Variants in ST7 observed in about 807,000 individuals in gnomAD.
ST7 encodes suppression of tumorigenicity 7.
Under a neutral mutation model 78.7 loss-of-function variants are expected in ST7, and 28 were observed. That is an observed-to-expected ratio of 0.36 (90% CI 0.26 to 0.49). The LOEUF (loss-of-function observed/expected upper bound fraction) is 0.49, where lower values mean the gene tolerates loss of function less well. Among genes scored for constraint, ST7 ranks in the 20% least tolerant of loss-of-function variants. The probability of loss-of-function intolerance (pLI) is 0.99; values close to 1 mark genes in which losing one functional copy is unlikely to be tolerated. For synonymous variants in ST7, 247 were observed against 249.6 expected (o/e 0.99, Z 0.10); for missense variants, 418 against 696.0 (o/e 0.60, Z 4.49).
At chr7:117,062,667 A>G (rs1798419997) in intron 1 of ST7, among the ~76,000 whole-genome samples, 1 of 152,220 alleles carries the variant, frequency 6.6e-6, no homozygotes, top group African/African-American at 2.4e-5. Context: ...AGGTCTCCTT[A>G]AAAGATATAA....
chr7:117,051,807 A>C (rs1797803621), intron 1 of ST7, among the ~76,000 whole-genome samples: 1 of 152,188 alleles, frequency 6.6e-6, no homozygotes, highest in South Asian at 2.1e-4. Flanking sequence ...AGAGAAATCA[A>C]GGATGATTCC....
chr7:117,131,248 A>G (rs900474995), intron 5 of ST7, among the ~76,000 whole-genome samples: 5 of 151,920 alleles, frequency 3.3e-5, no homozygotes, highest in African/African-American at 1.2e-4. Flanking sequence ...TATAAAATAA[A>G]TAAGGAGATT....
At chr7:117,169,137 C>CTTTTT in intron 9 of ST7, among the ~76,000 whole-genome samples, 1 of 110,652 alleles carries the variant, frequency 9.0e-6, no homozygotes, top group East Asian at 3.2e-4. Context: ...AATCTTCTTC[C>CTTTTT]TTTTTTTTTT....
At chr7:117,027,077 T>G (rs915616156) in intron 1 of ST7, among the ~76,000 whole-genome samples, 2 of 152,252 alleles carry the variant, frequency 1.3e-5, no homozygotes, top group African/African-American at 4.8e-5. Context: ...ACTTCATCAG[T>G]GCAAATGTTT....
At chr7:117,141,425 C>T (rs185864123) in intron 9 of ST7, among the ~76,000 whole-genome samples, 72 of 152,240 alleles carry the variant, frequency 4.7e-4, no homozygotes, top group African/African-American at 1.6e-3. Context: ...TGGCAATACA[C>T]CTGTGAAATA....
At position 117,063,372 on chromosome 7, in the gene ST7, A is replaced by G. The variant is rs1032106853; in HGVS notation, c.152-36390A>G. Among the ~76,000 whole-genome samples, 8 of 152,176 alleles carry G rather than the reference A, an allele frequency of 5.3e-5. No individual in the cohort carries two copies. The East Asian group carries it at 1.5e-3, about 29-fold the overall frequency. ...TTTCTGTTCATTTTTGTTTCTTTCA[A>G]TTGATAGGACATGGAGAAAGATTTT... On this transcript the variant is annotated intron_variant, in intron 1 of 15. Transcript: ENST00000323984.
chr7:117,013,298 T>C (rs1414172846), intron 1 of ST7, among the ~76,000 whole-genome samples: 1 of 152,224 alleles, frequency 6.6e-6, no homozygotes, highest in Admixed American at 6.5e-5. Flanking sequence ...AGGAAGAAAT[T>C]ATATCAAATT....
At chr7:117,130,428 ATATTT>A (rs1804250399) in intron 4 of ST7, 58 bp from the exon 5 acceptor site, 16 of 1,231,482 alleles carry the variant, frequency 1.3e-5, no homozygotes, top group Non-Finnish European at 1.9e-5. Flanking sequence ...CTGCAGCTTA[ATATTT>A]TATAGGTCTT....
chr7:117,151,446 T>G (rs1806240532), intron 9 of ST7, among the ~76,000 whole-genome samples: 1 of 152,194 alleles, frequency 6.6e-6, no homozygotes, highest in Admixed American at 6.5e-5. Context: ...CTCCTTCTTG[T>G]CATTTAGGCT....
At chr7:117,108,474 A>T (rs760291138) in intron 2 of ST7, among the ~76,000 whole-genome samples, 2 of 152,054 alleles carry the variant, frequency 1.3e-5, no homozygotes, top group Non-Finnish European at 2.9e-5. Context: ...ACTAGTACCA[A>T]GCTGTTTTGG....
At chr7:117,146,569 T>C (rs1025936859) in intron 9 of ST7, 2 of 152,258 alleles carry the variant, frequency 1.3e-5, no homozygotes, top group Admixed American at 1.3e-4. Flanking sequence ...CAGGCTCTTG[T>C]ATTAATCTTG....
intron 1 of ST7, among the ~76,000 whole-genome samples, chr7:116,973,238 G>A (rs1038228652): frequency 1.3e-5 from 2 of 151,478 alleles, no homozygotes; most frequent in Non-Finnish European, 2.9e-5. Context: ...TGTATTTCTT[G>A]TCCTCTGTCT....
chr7:117,081,025 CT>C (rs1451721574), intron 1 of ST7: 1 of 152,054 alleles, frequency 6.6e-6, no homozygotes, highest in Non-Finnish European at 1.5e-5. Flanking sequence ...GGTATGATGA[CT>C]TCCCAGGATG....
intron 1 of ST7, among the ~76,000 whole-genome samples, chr7:116,963,562 C>T (rs1285053411): frequency 6.6e-6 from 1 of 151,772 alleles, no homozygotes; most frequent in Admixed American, 6.6e-5. Flanking sequence ...TTTTTCCATT[C>T]TGAATTAACT....
Position 117,209,936 on chromosome 7 carries a change from C to T in ST7, c.1404C>T (p.Gly468=). ...ALNLLHCTWE[G]TFRMIPYPLE... ...ATCTTTTGCATTGTACGTGGGAAGG[C>T]AGTAAGTAATTTTCTTTTTTTGAAA... Residue 468 remains glycine (G), a splice_region_variant and synonymous_variant, in exon 13 of 16, where the codon GGC becomes GGT. Transcript: ENST00000323984. 6.2e-7 allele frequency: 1 copy of T among 1,601,616 alleles called. No homozygotes were observed. The highest frequency in any genetic ancestry group is 8.5e-7 in the Non-Finnish European group (1 of 1,177,200).
rs536144971 is a variant in ST7 at position 117,176,285 on chromosome 7, A to T, written c.1078+5309A>T. ...TCACAAAAGTTATATAAATGCAACC[A>T]CTATATCAAGATCATTTTTACTGAT... On this transcript the variant is annotated intron_variant, in intron 10 of 15. Transcript: ENST00000323984. Among the ~76,000 whole-genome samples the T allele has an allele frequency of 3.9e-5, 6 of 152,300 alleles. No homozygotes were observed. In the East Asian group the frequency reaches 7.7e-4, roughly 20 times the overall value.
At chr7:117,170,411 A>C (rs768001301) in intron 9 of ST7, among the ~76,000 whole-genome samples, 13 of 152,206 alleles carry the variant, frequency 8.5e-5, no homozygotes, top group Non-Finnish European at 1.8e-4. Flanking sequence ...TATACTTTAA[A>C]AATACGAAAT....
intron 1 of ST7, 129 bp from the exon 2 acceptor site, chr7:117,099,630 TTAC>T (rs1801414419): frequency 1.6e-6 from 1 of 633,736 alleles, no homozygotes; most frequent in East Asian, 2.9e-5. Flanking sequence ...TAATGGGATC[TTAC>T]TATGGTTCTA....
At chr7:116,959,968 A>G (rs547796921) in intron 1 of ST7, among the ~76,000 whole-genome samples, 1 of 152,290 alleles carries the variant, frequency 6.6e-6, no homozygotes, top group African/African-American at 2.4e-5. Context: ...ATGAGTATAC[A>G]TGTTTTTTAC....
Sources: allele counts gnomAD v4.1 joint callset (sites outside exome capture counted in the v4.1 genomes callset), GRCh38; gene constraint gnomAD v4.1.1; transcripts MANE v1.5; gene names NCBI Gene and HGNC (gene_info 2026-07-23, HGNC 2026-07-21).